The following PDE7B variants were observed in gnomAD, a reference collection of about 807,000 sequenced individuals.
PDE7B encodes phosphodiesterase 7B.
PDE7B carries 29 observed loss-of-function variants against 56.2 expected under a neutral mutation model. The ratio of observed to expected loss-of-function variants is 0.52; its 90% CI spans 0.38 to 0.70. The LOEUF is 0.70. Among genes scored for constraint, PDE7B ranks in the 30% least tolerant of loss-of-function variants. The pLI, the probability that PDE7B is intolerant of heterozygous loss-of-function variation, is 0.00. For synonymous variants in PDE7B, 197 were observed against 196.9 expected (o/e 1.00, Z 0.00); for missense variants, 490 against 565.0 (o/e 0.87, Z 1.35).
At chr6:135,954,371 A>G (rs1432315900) in intron 2 of PDE7B, among the ~76,000 whole-genome samples, 2 of 152,126 alleles carry the variant, frequency 1.3e-5, no homozygotes, top group Non-Finnish European at 2.9e-5. Flanking sequence ...GAGTGTGTCA[A>G]AGATCGGTTG....
At chr6:136,062,836 G>T (rs73564652) in intron 2 of PDE7B, among the ~76,000 whole-genome samples, 4,455 of 152,232 alleles carry the variant, frequency 0.029, 218 homozygotes, top group African/African-American at 0.099. Flanking sequence ...GGCTGAGATT[G>T]CTCTAGGCAT....
intron 2 of PDE7B, among the ~76,000 whole-genome samples, chr6:135,980,275 T>C (rs988475686): frequency 1.3e-5 from 2 of 152,142 alleles, no homozygotes; most frequent in Non-Finnish European, 2.9e-5. Flanking sequence ...CCTTACACCT[T>C]ATACAAAAAT....
At chr6:135,981,355 A>G (rs1429495554) in intron 2 of PDE7B, among the ~76,000 whole-genome samples, 2 of 151,548 alleles carry the variant, frequency 1.3e-5, no homozygotes, top group African/African-American at 4.8e-5. Flanking sequence ...TAGAGGGTGC[A>G]GCGCACCAGC....
Position 136,191,900 on chromosome 6 carries a change from C to T in PDE7B, c.*60C>T, listed in dbSNP as rs201953674. 3.1e-6 allele frequency: 4 copies of T among 1,286,326 alleles called. No individual in the cohort carries two copies. The highest frequency in any genetic ancestry group is 2.5e-5 in the East Asian group (1 of 39,650). 79.7% of individuals were successfully genotyped at this position (1,286,326 alleles called of 1,614,324 possible). A position where few individuals can be genotyped will look rare whatever the true frequency, so the allele number is the denominator to read the frequency against. ...CAGGGCCCCCAGAGGGCAGAAGCAG[C>T]GTGGAGGGGCCCTCACGCAGCAGCC... On this transcript the variant is annotated 3_prime_UTR_variant, in exon 13 of 13. Transcript: ENST00000308191.
At chr6:136,112,914 C>T (rs1368628271) in intron 3 of PDE7B, among the ~76,000 whole-genome samples, 1 of 152,152 alleles carries the variant, frequency 6.6e-6, no homozygotes, top group Non-Finnish European at 1.5e-5. Flanking sequence ...TCCTAGTTTG[C>T]ACCTGTTGTT....
rs547852869 is a variant in PDE7B at position 136,126,157 on chromosome 6, C to G, written c.166+17343C>G. On this transcript the variant is annotated intron_variant, in intron 3 of 12. Coordinates refer to ENST00000308191, the MANE Select transcript of PDE7B (RefSeq NM_018945.4). ...GTGAATGTGACAGTCCAGTGCAGAT[C>G]GATACAGGTGTATTATGTTGGAAAT... Among the ~76,000 whole-genome samples, 7 of 152,226 alleles carry G rather than the reference C, an allele frequency of 4.6e-5. No homozygotes were observed. In the East Asian group the frequency reaches 1.4e-3, roughly 29 times the overall value.
At chr6:136,125,011 G>A (rs1347846888) in intron 3 of PDE7B, among the ~76,000 whole-genome samples, 1 of 152,110 alleles carries the variant, frequency 6.6e-6, no homozygotes, top group Non-Finnish European at 1.5e-5. Flanking sequence ...GAGGATTTTA[G>A]TAAAAGGAGA....
At chr6:136,136,390 T>A (rs770713413) in intron 3 of PDE7B, among the ~76,000 whole-genome samples, 4 of 152,032 alleles carry the variant, frequency 2.6e-5, no homozygotes, top group Admixed American at 1.3e-4. Context: ...TTAACAGAAA[T>A]CTGGTCTCCA....
At chr6:136,148,740 G>A (rs1778462904) in intron 4 of PDE7B, among the ~76,000 whole-genome samples, 3 of 152,152 alleles carry the variant, frequency 2.0e-5, no homozygotes, top group South Asian at 4.1e-4. Flanking sequence ...TCTCAAGAAA[G>A]GTGGTGTGAG....
At position 135,935,190 on chromosome 6, in the gene PDE7B, T is replaced by TTTTATATATATATATATTTTTATA. The variant is rs1436649469; in HGVS notation, c.22-12273_22-12272insTTATATATATATATATTTTTATAT. On this transcript the variant is annotated intron_variant, in intron 1 of 12. Coordinates refer to ENST00000308191, the MANE Select transcript of PDE7B (RefSeq NM_018945.4). The stretch of plus-strand genomic sequence containing the variant: ...GAGAATTTTATATATATATATTTAT[T>TTTTATATATATATATATTTTTATA]TATATATATATATATATATATATAT... 3.3e-4 allele frequency among the ~76,000 whole-genome samples: 12 copies of TTTTATATATATATATATTTTTATA among 36,186 alleles called. 1 individual carries two copies. The highest frequency in any genetic ancestry group is 3.7e-4 in the Non-Finnish European group (8 of 21,584). 23.7% of individuals were successfully genotyped at this position (36,186 alleles called of 152,430 possible).
At chr6:135,897,122 C>A (rs1458067482) in intron 1 of PDE7B, among the ~76,000 whole-genome samples, 1 of 152,160 alleles carries the variant, frequency 6.6e-6, no homozygotes, top group Non-Finnish European at 1.5e-5. Flanking sequence ...TACACAGTAG[C>A]CTTCCAAGGT....
At chr6:136,032,966 T>G (rs945391085) in intron 2 of PDE7B, among the ~76,000 whole-genome samples, 3 of 152,236 alleles carry the variant, frequency 2.0e-5, no homozygotes, top group Non-Finnish European at 4.4e-5. Flanking sequence ...ATAAGTAGTC[T>G]TAGAGAGTGA....
At chr6:136,018,236 A>G (rs948129655) in intron 2 of PDE7B, among the ~76,000 whole-genome samples, 1 of 152,208 alleles carries the variant, frequency 6.6e-6, no homozygotes, top group Non-Finnish European at 1.5e-5. Flanking sequence ...GTAGCAGATC[A>G]CTAAATCCAA....
At chr6:136,053,902 C>G (rs774406814) in intron 2 of PDE7B, among the ~76,000 whole-genome samples, 208 of 151,534 alleles carry the variant, frequency 1.4e-3, no homozygotes, top group African/African-American at 4.1e-3. Context: ...TTTTTGATGG[C>G]GTTGTTTTTT....
At chr6:136,157,355 C>T (rs9376176) in intron 8 of PDE7B, among the ~76,000 whole-genome samples, 1 of 152,086 alleles carries the variant, frequency 6.6e-6, no homozygotes, top group South Asian at 2.1e-4. Flanking sequence ...CTGAGGCAGG[C>T]GGATCACTTG....
intron 2 of PDE7B, among the ~76,000 whole-genome samples, chr6:135,971,297 G>A (rs544349978): frequency 3.0e-4 from 45 of 152,306 alleles, no homozygotes; most frequent in Non-Finnish European, 5.9e-5. Flanking sequence ...GGAACCCTCA[G>A]AAGGAACCAA....
At chr6:135,876,053 C>T (rs1344194370) in intron 1 of PDE7B, among the ~76,000 whole-genome samples, 2 of 151,930 alleles carry the variant, frequency 1.3e-5, no homozygotes, top group African/African-American at 4.8e-5. Context: ...ATAGAGACAG[C>T]CTTCAGACCT....
intron 2 of PDE7B, among the ~76,000 whole-genome samples, chr6:136,028,097 C>A (rs142094412): frequency 4.6e-5 from 7 of 152,238 alleles, no homozygotes; most frequent in African/African-American, 1.4e-4. Context: ...TAGCGTAGGG[C>A]AGGCACAATT....
intron 12 of PDE7B, among the ~76,000 whole-genome samples, chr6:136,189,128 A>T (rs1161622498): frequency 6.7e-6 from 1 of 150,026 alleles, no homozygotes; most frequent in African/African-American, 2.5e-5. Context: ...TCAATCCAAA[A>T]TGAGAATTTT....
Sources: gnomAD v4.1 joint callset for allele counts (sites outside exome capture counted in the v4.1 genomes callset) on GRCh38, gnomAD v4.1.1 for gene constraint, MANE v1.5 for transcripts, NCBI Gene and HGNC (gene_info 2026-07-23, HGNC 2026-07-21) for gene names.